ADAMTSL1: variants seen among roughly 807,000 people sequenced by gnomAD.
ADAMTSL1 encodes the protein ADAMTS like 1.
In ADAMTSL1, 126 loss-of-function variants were observed where a neutral mutation model predicts 201.8. That is an observed-to-expected ratio of 0.62 (90% CI 0.54 to 0.72). The LOEUF (loss-of-function observed/expected upper bound fraction) is 0.72, where lower values mean the gene tolerates loss of function less well. Ranked by LOEUF, ADAMTSL1 falls within the 30% of genes least tolerant of loss-of-function variation. ADAMTSL1 has a pLI of 0.00. For synonymous variants in ADAMTSL1, 1,121 were observed against 903.4 expected (o/e 1.24, Z -4.32); for missense variants, 2,679 against 2,277.8 (o/e 1.18, Z -3.59).
rs1283837900 is a variant in ADAMTSL1 at position 18,876,156 on chromosome 9, AAGAC to A, written c.4250-11672_4250-11669del. ...CCTTATGTGTTAGGTGAGTCTCTTGAAGACAGCAGATACTTGGTTGGTGAACTCT... is the reference window on the plus strand; with the variant it reads ...CCTTATGTGTTAGGTGAGTCTCTTGAAGCAGATACTTGGTTGGTGAACTCT... On this transcript the variant is annotated intron_variant, in intron 23 of 28. Transcript: ENST00000380548. 5.3e-5 allele frequency among the ~76,000 whole-genome samples: 8 copies of A among 152,042 alleles called. No individual in the cohort carries two copies. In the South Asian group the frequency reaches 1.5e-3, roughly 28 times the overall value.
At chr9:18,879,779 A>G (rs1011816647) in intron 23 of ADAMTSL1, among the ~76,000 whole-genome samples, 5 of 152,228 alleles carry the variant, frequency 3.3e-5, no homozygotes, top group Non-Finnish European at 1.5e-5. Flanking sequence ...GACAACAACA[A>G]TGAAGTTTGC....
intron 2 of ADAMTSL1, among the ~76,000 whole-genome samples, chr9:18,335,991 G>A (rs1164232265): frequency 4.6e-5 from 7 of 152,100 alleles, no homozygotes; most frequent in Non-Finnish European, 1.0e-4. Context: ...CATTATGGGA[G>A]TGGCATTGAA....
rs1452212119 is a variant in ADAMTSL1, at chr9:18,219,507, TA to T, written c.207+55527del. 3.9e-5 allele frequency among the ~76,000 whole-genome samples: 6 copies of T among 151,940 alleles called. No individual in the cohort carries two copies. The East Asian group carries it at 1.2e-3, about 29-fold the overall frequency. On this transcript the variant is annotated intron_variant, in intron 2 of 29. Transcript: ENST00000680146. ...CCTTAGCCTCCTGAGTAGTTGGGAT[TA>T]CAAGGATGCACCACCGTGCCTGGCT...
At chr9:18,672,629 G>A (rs1475502964) in intron 9 of ADAMTSL1, among the ~76,000 whole-genome samples, 3 of 151,994 alleles carry the variant, frequency 2.0e-5, no homozygotes, top group South Asian at 4.2e-4. Context: ...CAATCATATT[G>A]TACATTCTAT....
chr9:18,908,715 C>T lies in ADAMTSL1; in HGVS notation c.*167C>T, dbSNP rs887984398. 41 of 580,146 alleles carry T rather than the reference C, an allele frequency of 7.1e-5. No individual in the cohort carries two copies. Among genetic ancestry groups the T allele is most frequent in the Non-Finnish European group, 1.2e-4 (39 of 328,448 alleles). The allele number at this position is 580,146 out of a possible 1,614,324, so 35.9% of individuals were successfully genotyped here. A position where few individuals can be genotyped will look rare whatever the true frequency, so the allele number is the denominator to read the frequency against. ...CCACCTTCAAGCATAAGGACGTCCG[C>T]GTGTTTTCTCTTTCAGTTAGCTGGA... On this transcript the variant is annotated 3_prime_UTR_variant, in exon 29 of 29. Transcript: ENST00000380548.
chr9:18,198,967 G>T (rs62551342), intron 2 of ADAMTSL1, among the ~76,000 whole-genome samples: 10 of 140,094 alleles, frequency 7.1e-5, no homozygotes, highest in Non-Finnish European at 1.1e-4. Context: ...CAGGGACATG[G>T]ATGACATTGG....
chr9:18,657,424 G>A (rs1362305106), intron 7 of ADAMTSL1, among the ~76,000 whole-genome samples: 1 of 152,208 alleles, frequency 6.6e-6, no homozygotes, highest in Non-Finnish European at 1.5e-5. Context: ...TGTGGCAACA[G>A]AACTCAGAAG....
At chr9:17,952,667 C>T (rs1055039160) in intron 1 of ADAMTSL1, among the ~76,000 whole-genome samples, 8 of 152,096 alleles carry the variant, frequency 5.3e-5, no homozygotes, top group African/African-American at 1.7e-4. Flanking sequence ...AGGCACACAC[C>T]ACCACGCCCA....
At chr9:18,750,435 T>TA (rs1315035256) in intron 15 of ADAMTSL1, among the ~76,000 whole-genome samples, 2 of 152,266 alleles carry the variant, frequency 1.3e-5, no homozygotes, top group African/African-American at 4.8e-5. Flanking sequence ...GAGATTCATT[T>TA]ATGTTGTTGC....
chr9:18,330,022 G>A (rs973773162), intron 2 of ADAMTSL1, among the ~76,000 whole-genome samples: 3 of 152,240 alleles, frequency 2.0e-5, no homozygotes, highest in African/African-American at 4.8e-5. Flanking sequence ...TCTGCATAAG[G>A]GGGTTAAAAC....
intron 1 of ADAMTSL1, among the ~76,000 whole-genome samples, chr9:18,159,099 C>A (rs1827275917): frequency 6.6e-6 from 1 of 152,002 alleles, no homozygotes; most frequent in Non-Finnish European, 1.5e-5. Context: ...TATAGGTGTA[C>A]ATTCAAATAA....
At chr9:18,482,490 A>G (rs974775520) in intron 1 of ADAMTSL1, among the ~76,000 whole-genome samples, 1 of 152,168 alleles carries the variant, frequency 6.6e-6, no homozygotes, top group Non-Finnish European at 1.5e-5. Context: ...ACTTTCTCTA[A>G]GTCAATTCAG....
chr9:18,266,704 A>G (rs1307933508), intron 2 of ADAMTSL1, among the ~76,000 whole-genome samples: 1 of 152,162 alleles, frequency 6.6e-6, no homozygotes, highest in African/African-American at 2.4e-5. Context: ...GTCTCACTTC[A>G]GGGGCCCTAT....
chr9:18,305,323 TCC>T (rs1186320922), intron 2 of ADAMTSL1, among the ~76,000 whole-genome samples: 1 of 152,088 alleles, frequency 6.6e-6, no homozygotes, highest in Non-Finnish European at 1.5e-5. Context: ...TTTTTTTCAT[TCC>T]CCAGTGGCAC....
chr9:18,459,134 A>G (rs1820716115), intron 2 of ADAMTSL1, among the ~76,000 whole-genome samples: 1 of 152,240 alleles, frequency 6.6e-6, no homozygotes, highest in South Asian at 2.1e-4. Context: ...TGTGCTTGAG[A>G]CAATAGTCCT....
rs764928759 is a variant in ADAMTSL1 at position 18,681,859 on chromosome 9, C to T, written c.1389C>T (p.Cys463=). The change falls in exon 12 of 29, where the codon TGC becomes TGT. Residue 463 remains cysteine, a synonymous_variant. Transcript: ENST00000380548. ...GCCTCAGATACCGTGTGGTCCTCTG[C>T]ATCGACCATCGAGGAATGCACACAG... ...GQGLRYRVVL[C]IDHRGMHTGG... 1.1e-5 allele frequency: 17 copies of T among 1,613,860 alleles called. No individual in the cohort carries two copies. The highest frequency in any genetic ancestry group is 1.4e-5 in the Non-Finnish European group (17 of 1,179,880).
At chr9:18,041,591 T>C (rs1304112550) in intron 1 of ADAMTSL1, among the ~76,000 whole-genome samples, 2 of 152,140 alleles carry the variant, frequency 1.3e-5, no homozygotes, top group South Asian at 2.1e-4. Flanking sequence ...GACAGAATCA[T>C]CATAAAAATC....
intron 5 of ADAMTSL1, among the ~76,000 whole-genome samples, chr9:18,629,794 G>A (rs1576900): frequency 0.28 from 42,794 of 151,978 alleles, 6,831 homozygotes; most frequent in East Asian, 0.61. Context: ...TTTTCTGGAA[G>A]AGATTGTATG....
rs574098016 is a variant in ADAMTSL1 at position 18,910,662 on chromosome 9, G to C, written c.*2114G>C. ...CTAGTTCGATAGTGATTGAAAATCAGTGGTCACTATTTACATTTCCTAAAG... is the reference window on the plus strand; with the variant it reads ...CTAGTTCGATAGTGATTGAAAATCACTGGTCACTATTTACATTTCCTAAAG... On this transcript the variant is annotated 3_prime_UTR_variant, in exon 29 of 29. Coordinates refer to ENST00000380548, the MANE Select transcript of ADAMTSL1 (RefSeq NM_001040272.6). The C allele has an allele frequency of 1.4e-4, 21 of 152,356 alleles. No homozygotes were observed. The highest frequency in any genetic ancestry group is 4.1e-4 in the African/African-American group (17 of 41,578). 9.4% of individuals were successfully genotyped at this position (152,356 alleles called of 1,614,324 possible). A position where few individuals can be genotyped will look rare whatever the true frequency, so the allele number is the denominator to read the frequency against.
Sources: gnomAD v4.1 joint callset for allele counts (sites outside exome capture counted in the v4.1 genomes callset) on GRCh38, gnomAD v4.1.1 for gene constraint, MANE v1.5 for transcripts, NCBI Gene and HGNC (gene_info 2026-07-23, HGNC 2026-07-21) for gene names.